The following ZBED6 variants were observed in gnomAD, a reference collection of about 807,000 sequenced individuals.
The protein encoded by ZBED6 is zinc finger BED-type containing 6, also known as zinc finger BED domain-containing protein 6.
A neutral mutation model predicts 58.4 loss-of-function variants in ZBED6; 40 were observed. The ratio of observed to expected loss-of-function variants is 0.68; its 90% confidence interval spans 0.53 to 0.89. ZBED6 has a LOEUF of 0.89. Among genes scored for constraint, ZBED6 ranks in the 40% least tolerant of loss-of-function variants. ZBED6 has a pLI of 0.00. For synonymous variants in ZBED6, 439 were observed against 350.6 expected (o/e 1.25, Z -2.82); for missense variants, 1,057 against 1,003.9 (o/e 1.05, Z -0.71).
chr1:203,825,368 G>A (rs1179480072), intron 3 of ZBED6, among the ~76,000 whole-genome samples: 16 of 151,008 alleles, frequency 1.1e-4, no homozygotes, highest in Non-Finnish European at 2.4e-4. Context: ...TGGATCATGT[G>A]CTGTATTACT....
chr1:203,807,822 G>T (rs931262530), intron 1 of ZBED6, among the ~76,000 whole-genome samples: 5 of 152,098 alleles, frequency 3.3e-5, no homozygotes. Flanking sequence ...GCTCACTGCA[G>T]CCTCGACCTC....
Position 203,818,280 on chromosome 1 carries a change from A to ATTT in ZBED6, c.*2754-290_*2754-289insTTT, listed in dbSNP as rs1425946377. 1.2e-3 allele frequency among the ~76,000 whole-genome samples: 184 copies of ATTT among 151,650 alleles called. 1 individual carries two copies. Among genetic ancestry groups the ATTT allele is most frequent in the Non-Finnish European group, 2.1e-3 (145 of 67,470 alleles). On this transcript the variant is annotated intron_variant, in intron 2 of 16. Transcript: ENST00000550078. ...GATGTCAGTTTTGAAGATGAACTGTAAAATACATTTTTAAAGAGGACCTAA... is the reference window on the plus strand; with the variant it reads ...GATGTCAGTTTTGAAGATGAACTGTATTTAAATACATTTTTAAAGAGGACCTAA...
At chr1:203,800,754 C>T (rs1670317191) in exon 1 of ZBED6, 2 of 216,764 alleles carry the variant, frequency 9.2e-6, no homozygotes, top group Admixed American at 5.8e-5. Context: ...GGCTTTCTTC[C>T]TGGTAGATTG....
chr1:203,830,292 A>C, intron 7 of ZBED6, 89 bp downstream of exon 7: 1 of 1,008,966 alleles, frequency 9.9e-7, no homozygotes, highest in Non-Finnish European at 1.5e-6. Context: ...AAAATGAGCA[A>C]ATAGATTTTC....
At chr1:203,824,274 T>TAAA (rs5780199) in intron 3 of ZBED6, among the ~76,000 whole-genome samples, 4 of 139,986 alleles carry the variant, frequency 2.9e-5, no homozygotes, top group Admixed American at 7.2e-5. Context: ...ATCTCAAAAT[T>TAAA]AAAAAAAAAA....
At chr1:203,853,141 A>T (rs1016807288) in exon 17 of ZBED6, 3 of 151,672 alleles carry the variant, frequency 2.0e-5, no homozygotes, top group African/African-American at 7.3e-5. Context: ...TGGTGACATG[A>T]TTAGAGGAAT....
chr1:203,810,565 G>A (rs1157460369), intron 1 of ZBED6, among the ~76,000 whole-genome samples: 1 of 151,498 alleles, frequency 6.6e-6, no homozygotes, highest in Admixed American at 6.6e-5. Flanking sequence ...GACCACAGGC[G>A]CCCACCACCA....
At chr1:203,843,082 G>T (rs151157853) in intron 11 of ZBED6, among the ~76,000 whole-genome samples, 12 of 152,206 alleles carry the variant, frequency 7.9e-5, no homozygotes, top group Middle Eastern at 3.4e-3. Flanking sequence ...ATCATAAAAA[G>T]GGAGTCCGAT....
intron 10 of ZBED6, among the ~76,000 whole-genome samples, chr1:203,838,631 T>C (rs1329398750): frequency 5.9e-5 from 9 of 152,142 alleles, no homozygotes; most frequent in Non-Finnish European, 8.8e-5. Context: ...TTTGGACTTA[T>C]TCTAAGATAG....
chr1:203,852,184 C>T, exon 17 of ZBED6: 1 of 1,613,612 alleles, frequency 6.2e-7, no homozygotes, highest in Non-Finnish European at 8.5e-7. Context: ...TTCCTCACCC[C>T]CGGAGGTGTC....
Position 203,830,064 on chromosome 1 carries a change from A to G in ZBED6, c.*3319-59A>G, listed in dbSNP as rs183971758. The stretch of plus-strand genomic sequence containing the variant: ...AAAAATAAATGCCTGCTATGTACAG[A>G]TAAAATACAAAGATGAAAAGGCTCC... On this transcript the variant is annotated intron_variant, in intron 6 of 16. Coordinates refer to ENST00000550078, the Ensembl canonical transcript of ZBED6. 13 of 1,432,588 alleles carry G rather than the reference A, an allele frequency of 9.1e-6. 1 individual carries two copies. In the Admixed American group the frequency reaches 2.6e-4, roughly 28 times the overall value. The allele number at this position is 1,432,588 out of a possible 1,614,324, so 88.7% of individuals were successfully genotyped here.
intron 3 of ZBED6, among the ~76,000 whole-genome samples, chr1:203,822,956 A>G (rs1679265272): frequency 6.6e-6 from 1 of 152,154 alleles, no homozygotes; most frequent in Non-Finnish European, 1.5e-5. Flanking sequence ...CAGCTACTCC[A>G]GTCTGGTTTT....
intron 10 of ZBED6, among the ~76,000 whole-genome samples, chr1:203,838,860 G>A (rs918357176): frequency 6.7e-6 from 1 of 150,164 alleles, no homozygotes; most frequent in Non-Finnish European, 1.5e-5. Flanking sequence ...GGCTGAGGCA[G>A]GAGAATTGTG....
intron 1 of ZBED6, among the ~76,000 whole-genome samples, chr1:203,809,904 A>G (rs910841687): frequency 2.6e-5 from 4 of 152,198 alleles, no homozygotes; most frequent in Admixed American, 6.5e-5. Flanking sequence ...CAGTAAGTCA[A>G]GATCACGCAA....
At chr1:203,796,451 G>A (rs543111161) in exon 1 of ZBED6, 129 of 399,044 alleles carry the variant, frequency 3.2e-4, no homozygotes, top group Middle Eastern at 1.9e-3. Flanking sequence ...CTCCTTGTAG[G>A]ACTGGTGAAA....
Position 203,849,708 on chromosome 1 carries a change from C to T in ZBED6, c.*4323-3C>T, listed in dbSNP as rs373294796. 26 of 1,613,148 alleles carry T rather than the reference C, an allele frequency of 1.6e-5. No individual in the cohort carries two copies. The highest frequency in any genetic ancestry group is 8.9e-5 in the East Asian group (4 of 44,884). On this transcript the variant is annotated splice_region_variant and splice_polypyrimidine_tract_variant and intron_variant, in intron 13 of 16. Coordinates refer to ENST00000550078, the Ensembl canonical transcript of ZBED6. ...TAATTCTGTCATTCAAATTTATCCA[C>T]AGGCTTCAGGTGAGACCACAGGAGT...
chr1:203,850,724 A>G (rs1264819686), intron 15 of ZBED6, 43 bp downstream of exon 15: 1 of 1,583,484 alleles, frequency 6.3e-7, no homozygotes, highest in African/African-American at 1.4e-5. Context: ...TCTGTGTGGT[A>G]GGAAAGCAGG....
At chr1:203,834,489 C>T (rs943099854) in intron 9 of ZBED6, among the ~76,000 whole-genome samples, 2 of 152,128 alleles carry the variant, frequency 1.3e-5, no homozygotes, top group African/African-American at 4.8e-5. Flanking sequence ...CCAGGCTGGT[C>T]TCCAACTCCT....
chr1:203,823,489 T>C (rs1371948273), intron 3 of ZBED6, among the ~76,000 whole-genome samples: 1 of 152,218 alleles, frequency 6.6e-6, no homozygotes. Context: ...GGAAGGCAGA[T>C]GTTCAGCATT....
Sources: gnomAD v4.1 joint callset for allele counts (sites outside exome capture counted in the v4.1 genomes callset) on GRCh38, gnomAD v4.1.1 for gene constraint, MANE v1.5 for transcripts, NCBI Gene and HGNC (gene_info 2026-07-23, HGNC 2026-07-21) for gene names.